Variants in STAT3 observed in about 807,000 individuals in gnomAD.
STAT3 encodes signal transducer and activator of transcription 3.
In STAT3, 7 loss-of-function variants were observed where a neutral mutation model predicts 114.3. The ratio of observed to expected loss-of-function variants is 0.06; its 90% CI spans 0.03 to 0.11. The LOEUF (loss-of-function observed/expected upper bound fraction) is 0.11. Ranked by LOEUF, STAT3 falls within the 10% of genes least tolerant of loss-of-function variation. The pLI is 1.00. For synonymous variants in STAT3, 331 were observed against 354.5 expected (o/e 0.93, Z 0.74); for missense variants, 364 against 960.9 (o/e 0.38, Z 8.21).
intron 11 of STAT3, among the ~76,000 whole-genome samples, chr17:42,330,093 A>C (rs1424486359): frequency 6.6e-6 from 1 of 151,984 alleles, no homozygotes; most frequent in African/African-American, 2.4e-5. Context: ...TCAACTAAAA[A>C]TAAGAATGCA....
intron 23 of STAT3, 26 bp from the exon 24 acceptor site, chr17:42,315,826 G>A (rs372390326): frequency 6.2e-7 from 1 of 1,613,922 alleles, no homozygotes; most frequent in Non-Finnish European, 8.5e-7. Context: ...GGGAAAACTA[G>A]TTCAGTTGTC....
In STAT3 at chr17:42,325,755, G is replaced by C. The variant is rs573882975; in HGVS notation, c.1365+361C>G. ...AATTTTTGTATTTTAGTAGAGACGG[G>C]GTTTCGTCATGTTGGCCAGGCTGGT... On this transcript the variant is annotated intron_variant, in intron 15 of 23. Transcript: ENST00000264657. 2.6e-5 allele frequency among the ~76,000 whole-genome samples: 4 copies of C among 152,188 alleles called. No homozygotes were observed. In the South Asian group the frequency reaches 6.2e-4, roughly 24 times the overall value.
chr17:42,376,673 C>T (rs1273486486), intron 1 of STAT3, among the ~76,000 whole-genome samples: 3 of 151,776 alleles, frequency 2.0e-5, no homozygotes, highest in South Asian at 4.1e-4. Context: ...GGTGAAACCC[C>T]GACTCTACTA....
At chr17:42,328,250 G>A (rs1232328318) in intron 14 of STAT3, among the ~76,000 whole-genome samples, 1 of 151,890 alleles carries the variant, frequency 6.6e-6, no homozygotes, top group African/African-American at 2.4e-5. Flanking sequence ...AGAGTATAGT[G>A]TATTTTTAAA....
chr17:42,358,619 C>A (rs1251929784), intron 1 of STAT3, among the ~76,000 whole-genome samples: 5 of 152,138 alleles, frequency 3.3e-5, no homozygotes, highest in African/African-American at 1.2e-4. Flanking sequence ...CTTCCACTTC[C>A]CCAACCAGAC....
At position 42,353,358 on chromosome 17, in the gene STAT3, A is replaced by AAC. The variant is rs1481139022; in HGVS notation, c.-23-4820_-23-4819insGT. On this transcript the variant is annotated intron_variant, in intron 1 of 23. Transcript: ENST00000264657. ...GTGAGACTGCATATCAAAAAAAAAA[A>AAC]AAAGAAAGAAAGAAAGAAAGAAGAG... is the stretch of plus-strand genomic sequence containing the variant. Among the ~76,000 whole-genome samples the AAC allele has an allele frequency of 2.7e-5, 4 of 147,250 alleles. No homozygotes were observed. In the East Asian group the frequency reaches 7.9e-4, roughly 29 times the overall value.
At chr17:42,341,918 C>A (rs1371327754) in intron 4 of STAT3, among the ~76,000 whole-genome samples, 1 of 151,990 alleles carries the variant, frequency 6.6e-6, no homozygotes, top group African/African-American at 2.4e-5. Context: ...TCACAGTTTG[C>A]AGACCCCTAA....
At chr17:42,381,243 A>T (rs1036079932) in intron 1 of STAT3, among the ~76,000 whole-genome samples, 1 of 152,194 alleles carries the variant, frequency 6.6e-6, no homozygotes, top group African/African-American at 2.4e-5. Flanking sequence ...TCACCTTAGG[A>T]ATACTCAAAA....
Position 42,388,301 on chromosome 17 carries a change from G to A in STAT3, c.-46C>T. The A allele has an allele frequency of 2.4e-6, 3 of 1,231,758 alleles. No individual in the cohort carries two copies. Among genetic ancestry groups the A allele is most frequent in the Non-Finnish European group, 3.0e-6 (3 of 988,010 alleles). 76.3% of individuals were successfully genotyped at this position (1,231,758 alleles called of 1,614,324 possible). ...CACCTGTTTCTCCGGCAGAGGCCGA[G>A]AGGCCGGGGCTGCGCGTGTGCCGGG... is the stretch of plus-strand genomic sequence containing the variant. On this transcript the variant is annotated 5_prime_UTR_variant, in exon 1 of 24. Transcript: ENST00000264657.
chr17:42,365,639 G>GTTTTTTTTTTTTTT (rs11440924), intron 1 of STAT3, among the ~76,000 whole-genome samples: 1 of 139,054 alleles, frequency 7.2e-6, no homozygotes, highest in Non-Finnish European at 1.5e-5. Context: ...TGCTGTTAAA[G>GTTTTTTTTTTTTTT]TTTTTTTTTT....
At chr17:42,350,979 A>C (rs2082920698) in intron 1 of STAT3, among the ~76,000 whole-genome samples, 1 of 152,080 alleles carries the variant, frequency 6.6e-6, no homozygotes, top group African/African-American at 2.4e-5. Flanking sequence ...AAAAATACAA[A>C]AATTAGCTGG....
chr17:42,321,290 A>T lies in STAT3; in HGVS notation c.2101+992T>A, dbSNP rs191368126. Among the ~76,000 whole-genome samples, 544 of 150,748 alleles carry T rather than the reference A, an allele frequency of 3.6e-3. 5 individuals are homozygous for T. The highest frequency in any genetic ancestry group is 0.014 in the Middle Eastern group (4 of 286). On this transcript the variant is annotated intron_variant, in intron 21 of 23. Transcript: ENST00000264657. The stretch of plus-strand genomic sequence containing the variant: ...ACAAACCACCACACGTGGCTAATTT[A>T]AAAAAAATTATTTTTGTATAGATAG...
chr17:42,364,009 C>T (rs1270204328), intron 1 of STAT3, among the ~76,000 whole-genome samples: 4 of 152,098 alleles, frequency 2.6e-5, no homozygotes, highest in Non-Finnish European at 4.4e-5. Flanking sequence ...GGCTTTGATT[C>T]TACCTCCTTC....
At chr17:42,317,320 A>G in intron 21 of STAT3, 96 bp from the exon 22 acceptor site, 1 of 1,384,378 alleles carries the variant, frequency 7.2e-7, no homozygotes. Context: ...ACTGATTTGA[A>G]ACTCACTCAT....
intron 1 of STAT3, among the ~76,000 whole-genome samples, chr17:42,370,226 AT>A (rs1185575848): frequency 6.6e-6 from 1 of 150,394 alleles, no homozygotes; most frequent in Non-Finnish European, 1.5e-5. Context: ...TGCTAGGATT[AT>A]AGGCATGAGC....
intron 18 of STAT3, 79 bp downstream of exon 18, chr17:42,323,480 ACCAAGAGTTCAGGG>A (rs2081570460): frequency 6.4e-7 from 1 of 1,562,634 alleles, no homozygotes; most frequent in Non-Finnish European, 8.8e-7. Context: ...TGGCCGCTGG[ACCAAGAGTTCAGGG>A]CCTTCAAGCC....
chr17:42,336,424 C>A (rs1401753703), intron 8 of STAT3, among the ~76,000 whole-genome samples: 1 of 151,900 alleles, frequency 6.6e-6, no homozygotes, highest in Admixed American at 6.6e-5. Flanking sequence ...AAAGTAAGAC[C>A]CTGTCTCTAT....
intron 1 of STAT3, among the ~76,000 whole-genome samples, chr17:42,381,444 G>A (rs931705005): frequency 1.3e-5 from 2 of 152,072 alleles, no homozygotes; most frequent in African/African-American, 4.8e-5. Context: ...GAATTTGGAA[G>A]GCCAGGCGTG....
intron 11 of STAT3, among the ~76,000 whole-genome samples, chr17:42,330,531 C>A (rs2081965566): frequency 6.7e-6 from 1 of 150,166 alleles, no homozygotes; most frequent in Admixed American, 6.7e-5. Flanking sequence ...CAGGTTCATG[C>A]CATTCTCCTG....
Sources: allele counts gnomAD v4.1 joint callset (sites outside exome capture counted in the v4.1 genomes callset), GRCh38; gene constraint gnomAD v4.1.1; transcripts MANE v1.5; gene names NCBI Gene and HGNC (gene_info 2026-07-23, HGNC 2026-07-21).